Variants in CACNB2 observed in about 807,000 individuals in gnomAD.
CACNB2 encodes calcium voltage-gated channel auxiliary subunit beta 2, also known as voltage-dependent L-type calcium channel subunit beta-2.
CACNB2 carries 42 observed loss-of-function variants against 73.3 expected under a neutral mutation model. The ratio of observed to expected loss-of-function variants is 0.57; its 90% CI spans 0.45 to 0.74. The LOEUF (loss-of-function observed/expected upper bound fraction) is 0.74, where lower values mean the gene tolerates loss of function less well. CACNB2 is among the 30% of genes least tolerant of loss of function. CACNB2 has a pLI of 0.00. For synonymous variants in CACNB2, 348 were observed against 310.3 expected, an observed-to-expected ratio of 1.12 and a Z score of -1.28; for missense variants, 940 against 853.0, an observed-to-expected ratio of 1.10 and a Z score of -1.27.
intron 3 of CACNB2, among the ~76,000 whole-genome samples, chr10:18,441,788 C>G (rs1015774325): frequency 6.6e-6 from 1 of 152,094 alleles, no homozygotes; most frequent in African/African-American, 2.4e-5. Context: ...GCATGCGCCA[C>G]CACACCCAAA....
intron 3 of CACNB2, among the ~76,000 whole-genome samples, chr10:18,451,255 TAAAG>T (rs2047008775): frequency 6.6e-6 from 1 of 152,164 alleles, no homozygotes; most frequent in African/African-American, 2.4e-5. Context: ...AGATCCAAAA[TAAAG>T]AAGCAGCCAT....
intron 2 of CACNB2, among the ~76,000 whole-genome samples, chr10:18,333,289 A>AG (rs1188826741): frequency 6.6e-6 from 1 of 152,204 alleles, no homozygotes; most frequent in Non-Finnish European, 1.5e-5. Flanking sequence ...GCTGAATTGC[A>AG]GGCGGGATTG....
At chr10:18,237,406 G>A (rs1314299522) in intron 2 of CACNB2, among the ~76,000 whole-genome samples, 1 of 152,162 alleles carries the variant, frequency 6.6e-6, no homozygotes, top group Non-Finnish European at 1.5e-5. Context: ...TCATCCAAAG[G>A]TGGAGGCAGA....
At chr10:18,309,606 C>T (rs550411833) in intron 2 of CACNB2, among the ~76,000 whole-genome samples, 14 of 152,134 alleles carry the variant, frequency 9.2e-5, no homozygotes, top group East Asian at 5.8e-4. Context: ...TACAGTCCCG[C>T]GCCACCATGC....
intron 3 of CACNB2, among the ~76,000 whole-genome samples, chr10:18,464,432 A>AAT (rs1188311876): frequency 4.0e-5 from 6 of 149,444 alleles, no homozygotes; most frequent in African/African-American, 1.5e-4. Flanking sequence ...AAAAAAAAAA[A>AAT]AAAAAAAAGA....
At chr10:18,424,891 G>A (rs1267511541) in intron 3 of CACNB2, among the ~76,000 whole-genome samples, 1 of 152,188 alleles carries the variant, frequency 6.6e-6, no homozygotes, top group African/African-American at 2.4e-5. Context: ...TTAAGGAATT[G>A]CAGATAATCC....
At chr10:18,173,479 C>T (rs1176406368) in intron 2 of CACNB2, among the ~76,000 whole-genome samples, 4 of 152,144 alleles carry the variant, frequency 2.6e-5, no homozygotes, top group Non-Finnish European at 4.4e-5. Context: ...CCAGGAAAAC[C>T]ACAGGTGAGA....
At chr10:18,316,095 G>A (rs1293197844) in intron 2 of CACNB2, among the ~76,000 whole-genome samples, 1 of 152,130 alleles carries the variant, frequency 6.6e-6, no homozygotes, top group Non-Finnish European at 1.5e-5. Flanking sequence ...AGGCAGGCCA[G>A]CTCCAGGAGC....
chr10:18,218,559 T>C (rs1056083785), intron 2 of CACNB2, among the ~76,000 whole-genome samples: 1 of 152,192 alleles, frequency 6.6e-6, no homozygotes, highest in Non-Finnish European at 1.5e-5. Context: ...AGGTACCTTA[T>C]GTGTCTGTCT....
intron 2 of CACNB2, among the ~76,000 whole-genome samples, chr10:18,156,353 A>G (rs2032042148): frequency 6.6e-6 from 1 of 152,262 alleles, no homozygotes; most frequent in Non-Finnish European, 1.5e-5. Context: ...ACCATTAGTT[A>G]GTCAATTAAC....
At chr10:18,372,777 A>G (rs548823986) in intron 2 of CACNB2, among the ~76,000 whole-genome samples, 72 of 152,320 alleles carry the variant, frequency 4.7e-4, no homozygotes, top group South Asian at 2.9e-3. Context: ...TATTTAAACT[A>G]TCTGCACTTT....
At chr10:18,429,251 ACT>A (rs1433759480) in intron 3 of CACNB2, among the ~76,000 whole-genome samples, 5 of 152,002 alleles carry the variant, frequency 3.3e-5, no homozygotes, top group Non-Finnish European at 7.4e-5. Context: ...TGAGGAGTCA[ACT>A]CTCATTATAA....
chr10:18,287,110 C>G (rs962317208), intron 2 of CACNB2, among the ~76,000 whole-genome samples: 4 of 152,046 alleles, frequency 2.6e-5, no homozygotes, highest in African/African-American at 9.7e-5. Context: ...GGGTAGATCA[C>G]TAGAGGTCAG....
At position 18,526,896 on chromosome 10, in the gene CACNB2, C is replaced by G. The variant is rs181484726; in HGVS notation, c.945-692C>G. On this transcript the variant is annotated intron_variant, in intron 9 of 13. Coordinates refer to ENST00000324631, the MANE Select transcript of CACNB2 (RefSeq NM_201596.3). ...TAGGGTCAGGAGTCTGGGTTCAAAT[C>G]CCAGCTCTCCCACTTAGTTACATAC... Among the ~76,000 whole-genome samples, 127 of 152,310 alleles carry G rather than the reference C, an allele frequency of 8.3e-4. 2 individuals are homozygous for G. Among genetic ancestry groups the G allele is most frequent in the African/African-American group, 2.9e-3 (119 of 41,570 alleles).
intron 2 of CACNB2, among the ~76,000 whole-genome samples, chr10:18,352,294 T>C (rs1291975457): frequency 6.6e-6 from 1 of 152,236 alleles, no homozygotes; most frequent in South Asian, 2.1e-4. Context: ...GGAAAAAGCA[T>C]GGCATCTGAT....
chr10:18,369,752 C>CA (rs2042499661), intron 2 of CACNB2, among the ~76,000 whole-genome samples: 1 of 151,932 alleles, frequency 6.6e-6, no homozygotes, highest in African/African-American at 2.4e-5. Flanking sequence ...ACTAAAAATA[C>CA]AAAAATTAGC....
chr10:18,386,525 C>A (rs1033475913), intron 2 of CACNB2, among the ~76,000 whole-genome samples: 6 of 151,364 alleles, frequency 4.0e-5, no homozygotes, highest in Admixed American at 6.6e-5. Context: ...GCCTCAGCCT[C>A]CCAAGTAGCT....
chr10:18,436,081 T>C (rs895792313), intron 3 of CACNB2, among the ~76,000 whole-genome samples: 6 of 152,226 alleles, frequency 3.9e-5, no homozygotes, highest in Non-Finnish European at 7.3e-5. Context: ...ATGAAAATTA[T>C]TATTCCACCT....
At chr10:18,160,157 C>T (rs926436064) in intron 2 of CACNB2, among the ~76,000 whole-genome samples, 2 of 144,500 alleles carry the variant, frequency 1.4e-5, no homozygotes, top group South Asian at 4.5e-4. Context: ...TTTAACATGT[C>T]TCGTTGAACA....
Sources: allele counts gnomAD v4.1 joint callset (sites outside exome capture counted in the v4.1 genomes callset), GRCh38; gene constraint gnomAD v4.1.1; transcripts MANE v1.5; gene names NCBI Gene and HGNC (gene_info 2026-07-23, HGNC 2026-07-21).